Variants in SOD1 observed in about 807,000 individuals in gnomAD.
SOD1 encodes the protein superoxide dismutase [Cu-Zn].
A neutral mutation model predicts 15.9 loss-of-function variants in SOD1; 8 were observed. The observed-to-expected ratio is 0.50, with a 90% CI of 0.30 to 0.91. The LOEUF is 0.91. Ranked by LOEUF, SOD1 falls within the 40% of genes least tolerant of loss-of-function variation. SOD1 has a pLI of 0.07. For missense variants in SOD1, 137 were observed against 194.5 expected (o/e 0.70, Z 1.76); for synonymous variants, 86 against 71.2 (o/e 1.21, Z -1.04).
chr21:31,668,323 T>C (rs932560694), intron 4 of SOD1, 148 bp from the exon 5 acceptor site: 8 of 640,928 alleles, frequency 1.2e-5, no homozygotes, highest in South Asian at 1.8e-5. Context: ...GTTTCTACTT[T>C]TAAACTACTA....
At chr21:31,668,421 G>C in intron 4 of SOD1, 50 bp from the exon 5 acceptor site, 1 of 1,171,324 alleles carries the variant, frequency 8.5e-7, no homozygotes. Context: ...GTTGGGAGGA[G>C]GTAGTGATTA....
intron 3 of SOD1, 66 bp downstream of exon 3, chr21:31,666,584 T>A (rs2049595474): frequency 8.8e-7 from 1 of 1,130,018 alleles, no homozygotes; most frequent in East Asian, 2.4e-5. Flanking sequence ...GTATACTACT[T>A]GTAAATATGT....
Position 31,667,364 on chromosome 21 carries a change from C to T in SOD1, c.346C>T (p.Arg116Cys), listed in dbSNP as rs1301635320. 8 of 1,609,520 alleles carry T rather than the reference C, an allele frequency of 5.0e-6. No individual in the cohort carries two copies. The highest frequency in any genetic ancestry group is 2.2e-5 in the East Asian group (1 of 44,856). ...SLSGDHCIIGRTLVVHEKADD... is the reference protein window; with the variant it reads ...SLSGDHCIIGCTLVVHEKADD... ...CTCAGGAGACCATTGCATCATTGGC[C>T]GCACACTGGTGGTAAGTTTTCATAA... Residue 116 changes from arginine (R) to cysteine (C), a missense_variant, in exon 4 of 5, where the codon CGC (arginine) becomes TGC (cysteine). Transcript: ENST00000270142.
At chr21:31,660,543 C>T (rs1018893905) in intron 1 of SOD1, 6 of 152,198 alleles carry the variant, frequency 3.9e-5, no homozygotes, top group African/African-American at 1.2e-4. Flanking sequence ...AGGTCCTTTT[C>T]CTCCTCCTAA....
chr21:31,666,770 G>A, intron 3 of SOD1: 1 of 530,986 alleles, frequency 1.9e-6, no homozygotes, highest in Non-Finnish European at 3.4e-6. Context: ...TAATACAAGT[G>A]CCAAAGGGGA....
chr21:31,662,736 C>A (rs532645836), intron 1 of SOD1, among the ~76,000 whole-genome samples: 6 of 152,266 alleles, frequency 3.9e-5, no homozygotes, highest in African/African-American at 1.4e-4. Context: ...CTGTGATAGC[C>A]GGGCGTGGTG....
intron 2 of SOD1, among the ~76,000 whole-genome samples, chr21:31,665,239 T>G (rs1394455534): frequency 6.6e-6 from 1 of 152,152 alleles, no homozygotes; most frequent in African/African-American, 2.4e-5. Context: ...ACTGCCAAAT[T>G]TTATTTTCTT....
In SOD1 at chr21:31,659,755, G is replaced by C. The variant is rs768768369; in HGVS notation, c.-15G>C. Reference sequence around the variant, plus strand: ...CAGTCCTCGGAACCAGGACCTCGGCGTGGCCTAGCGAGTTATGGCGACGAA... The same window carrying C: ...CAGTCCTCGGAACCAGGACCTCGGCCTGGCCTAGCGAGTTATGGCGACGAA... On this transcript the variant is annotated 5_prime_UTR_variant, in exon 1 of 5. Transcript: ENST00000270142. The C allele has an allele frequency of 1.2e-6, 2 of 1,613,798 alleles. No homozygotes were observed. The highest frequency in any genetic ancestry group is 2.2e-5 in the East Asian group (1 of 44,882).
intron 1 of SOD1, among the ~76,000 whole-genome samples, chr21:31,663,007 T>G (rs1370308047): frequency 6.8e-6 from 1 of 147,670 alleles, no homozygotes; most frequent in African/African-American, 2.5e-5. Flanking sequence ...AGAGCGAGAC[T>G]CGTCTCAAAA....
chr21:31,667,937 G>T (rs1003953051), intron 4 of SOD1, among the ~76,000 whole-genome samples: 8 of 152,014 alleles, frequency 5.3e-5, no homozygotes, highest in African/African-American at 1.9e-4. Context: ...TATTTTTATG[G>T]TTTTTCTTGA....
At position 31,668,606 on chromosome 21, in the gene SOD1, C is replaced by CCTTA. The variant is rs776422349; in HGVS notation, c.*29_*32dup. The CCTTA allele has an allele frequency of 4.8e-6, 7 of 1,458,838 alleles. No homozygotes were observed. Among genetic ancestry groups the CCTTA allele is most frequent in the African/African-American group, 1.4e-5 (1 of 71,968 alleles). 90.4% of individuals were successfully genotyped at this position (1,458,838 alleles called of 1,614,324 possible). Reference sequence around the variant, plus strand: ...ATTCCCTTGGATGTAGTCTGAGGCCCCTTAACTCATCTGTTATCCTGCTAG... The same window carrying CCTTA: ...ATTCCCTTGGATGTAGTCTGAGGCCCCTTACTTAACTCATCTGTTATCCTGCTAG... On this transcript the variant is annotated 3_prime_UTR_variant, in exon 5 of 5. Transcript: ENST00000270142.
At chr21:31,668,384 G>A in intron 4 of SOD1, 87 bp from the exon 5 acceptor site, 1 of 847,262 alleles carries the variant, frequency 1.2e-6, no homozygotes, top group Non-Finnish European at 2.1e-6. Flanking sequence ...CTAATATTAT[G>A]AGGTTCTTAA....
intron 2 of SOD1, among the ~76,000 whole-genome samples, chr21:31,665,903 A>G (rs2049588326): frequency 1.3e-5 from 2 of 151,990 alleles, no homozygotes; most frequent in South Asian, 4.1e-4. Context: ...TTTTACAGTG[A>G]AGAAGCCAAA....
chr21:31,664,357 C>G, intron 2 of SOD1: 1 of 233,436 alleles, frequency 4.3e-6, no homozygotes, highest in Non-Finnish European at 8.9e-6. Context: ...GGGACCATAT[C>G]CTGATTTTTG....
At chr21:31,660,265 C>A (rs979400886) in intron 1 of SOD1, 1 of 152,382 alleles carries the variant, frequency 6.6e-6, no homozygotes, top group African/African-American at 2.4e-5. Context: ...TGGCGCAGTG[C>A]CAGGCCCAGC....
chr21:31,668,543 C>A lies in SOD1; in HGVS notation c.430C>A (p.Arg144Ser). ...TACAAAGACAGGAAACGCTGGAAGT[C>A]GTTTGGCTTGTGGTGTAATTGGGAT... ...ESTKTGNAGSRLACGVIGIAQ is the reference protein window; with the variant it reads ...ESTKTGNAGSSLACGVIGIAQ The change falls in exon 5 of 5, where the codon CGT becomes AGT. Residue 144 changes from arginine to serine, a missense_variant. By Grantham distance (110) the Arg-to-Ser change is moderately radical. Transcript: ENST00000270142. The A allele has an allele frequency of 6.2e-7, 1 of 1,613,914 alleles. No individual in the cohort carries two copies. The highest frequency in any genetic ancestry group is 1.1e-5 in the South Asian group (1 of 91,074).
At chr21:31,664,351 C>T in intron 2 of SOD1, 1 of 234,774 alleles carries the variant, frequency 4.3e-6, no homozygotes, top group Non-Finnish European at 8.8e-6. Flanking sequence ...GGAACTGGGA[C>T]CATATCCTGA....
At chr21:31,662,261 T>G (rs1376176750) in intron 1 of SOD1, among the ~76,000 whole-genome samples, 1 of 152,238 alleles carries the variant, frequency 6.6e-6, no homozygotes, top group African/African-American at 2.4e-5. Flanking sequence ...TTTCCAAAAT[T>G]AAAGGTTGTA....
At chr21:31,659,873 G>A in intron 1 of SOD1, 32 bp downstream of exon 1, 1 of 1,603,146 alleles carries the variant, frequency 6.2e-7, no homozygotes, top group Non-Finnish European at 8.5e-7. Flanking sequence ...TGTTTGCGAG[G>A]CCGCTCCCAC....
Sources: allele counts gnomAD v4.1 joint callset (sites outside exome capture counted in the v4.1 genomes callset), GRCh38; gene constraint gnomAD v4.1.1; transcripts MANE v1.5; gene names NCBI Gene and HGNC (gene_info 2026-07-23, HGNC 2026-07-21).